ZMAT4: variants seen among roughly 807,000 people sequenced by gnomAD.
ZMAT4 encodes zinc finger matrin-type 4, also known as zinc finger matrin-type protein 4.
ZMAT4 carries 17 observed loss-of-function variants against 28.7 expected under a neutral mutation model. That is an observed-to-expected ratio of 0.59 (90% CI 0.41 to 0.89). The LOEUF is 0.89. Ranked by LOEUF, ZMAT4 falls within the 40% of genes least tolerant of loss-of-function variation. The probability of loss-of-function intolerance (pLI) is 0.00; values close to 1 mark genes in which losing one functional copy is unlikely to be tolerated. For missense variants in ZMAT4, 240 were observed against 283.8 expected (o/e 0.85, Z 1.11); for synonymous variants, 117 against 109.2 (o/e 1.07, Z -0.44).
chr8:40,546,100 T>C (rs1005418284), intron 6 of ZMAT4, among the ~76,000 whole-genome samples: 8 of 151,100 alleles, frequency 5.3e-5, no homozygotes, highest in South Asian at 2.1e-4. Context: ...AAAGTAAGAG[T>C]AGCTGGAGGA....
chr8:40,783,363 A>G (rs1311083422), intron 2 of ZMAT4, among the ~76,000 whole-genome samples: 1 of 152,206 alleles, frequency 6.6e-6, no homozygotes, highest in Admixed American at 6.5e-5. Context: ...ATCTACAGAG[A>G]CTGAAAATAG....
intron 5 of ZMAT4, among the ~76,000 whole-genome samples, chr8:40,643,632 G>A (rs911226303): frequency 2.0e-5 from 3 of 152,118 alleles, no homozygotes; most frequent in African/African-American, 7.2e-5. Flanking sequence ...TGCGATGAGT[G>A]CTACAGTTGT....
chr8:40,546,450 C>A (rs897269216), intron 6 of ZMAT4, among the ~76,000 whole-genome samples: 3 of 152,160 alleles, frequency 2.0e-5, no homozygotes, highest in African/African-American at 7.2e-5. Context: ...TGTTCACTTT[C>A]AATTAATAGA....
chr8:40,557,672 A>G (rs1803591830), intron 6 of ZMAT4, among the ~76,000 whole-genome samples: 1 of 152,142 alleles, frequency 6.6e-6, no homozygotes, highest in Admixed American at 6.6e-5. Context: ...TTCCCACCTT[A>G]TAATAACATC....
At chr8:40,630,352 G>A (rs1185981415) in intron 5 of ZMAT4, among the ~76,000 whole-genome samples, 10 of 152,164 alleles carry the variant, frequency 6.6e-5, no homozygotes, top group South Asian at 2.1e-4. Context: ...GAATTGGTGC[G>A]TTTAGTGGAT....
intron 3 of ZMAT4, among the ~76,000 whole-genome samples, chr8:40,763,524 C>G (rs550144853): frequency 8.5e-4 from 130 of 152,066 alleles, no homozygotes; most frequent in Non-Finnish European, 1.6e-3. Flanking sequence ...TTTACCCTGC[C>G]CAGAACAACA....
chr8:40,650,923 A>T (rs1165796367), intron 5 of ZMAT4, among the ~76,000 whole-genome samples: 1 of 151,962 alleles, frequency 6.6e-6, no homozygotes, highest in African/African-American at 2.4e-5. Context: ...GATGGGACGT[A>T]TCTCAAAATA....
intron 1 of ZMAT4, among the ~76,000 whole-genome samples, chr8:40,853,636 T>C (rs1452443214): frequency 9.2e-5 from 14 of 152,234 alleles, no homozygotes. Context: ...TCTTTGTTTG[T>C]TTTTGGTTTC....
At chr8:40,535,184 G>A (rs1390961651) in intron 6 of ZMAT4, among the ~76,000 whole-genome samples, 4 of 152,094 alleles carry the variant, frequency 2.6e-5, no homozygotes, top group Non-Finnish European at 4.4e-5. Flanking sequence ...TGGGCCACAC[G>A]GGGCATGTGG....
chr8:40,695,836 A>C (rs1246502912), intron 4 of ZMAT4, among the ~76,000 whole-genome samples: 1 of 115,798 alleles, frequency 8.6e-6, no homozygotes, highest in Non-Finnish European at 1.6e-5. Context: ...TTGCTAATTG[A>C]TGTGATAAGC....
chr8:40,701,304 T>C (rs544398750), intron 3 of ZMAT4, among the ~76,000 whole-genome samples: 2 of 152,208 alleles, frequency 1.3e-5, no homozygotes, highest in South Asian at 4.2e-4. Flanking sequence ...TATGCCATAG[T>C]TGTAAAAGAG....
intron 3 of ZMAT4, among the ~76,000 whole-genome samples, chr8:40,718,522 C>T (rs532346939): frequency 6.6e-6 from 1 of 151,660 alleles, no homozygotes; most frequent in Non-Finnish European, 1.5e-5. Flanking sequence ...TTTTAAATTT[C>T]CAGTTTATTC....
chr8:40,650,192 GA>G (rs1432628180), intron 5 of ZMAT4, among the ~76,000 whole-genome samples: 1 of 151,698 alleles, frequency 6.6e-6, no homozygotes, highest in South Asian at 2.1e-4. Flanking sequence ...GACTAATAAA[GA>G]AAAAAAGAGG....
chr8:40,678,860 G>A (rs894648924), intron 4 of ZMAT4, among the ~76,000 whole-genome samples: 1 of 152,004 alleles, frequency 6.6e-6, no homozygotes, highest in Non-Finnish European at 1.5e-5. Context: ...CTTTACATTT[G>A]GTATAAACAT....
chr8:40,779,994 A>G (rs559774634), intron 2 of ZMAT4, among the ~76,000 whole-genome samples: 2 of 152,118 alleles, frequency 1.3e-5, no homozygotes, highest in East Asian at 1.9e-4. Context: ...TTCAACTGCC[A>G]GTTTTCATTT....
At chr8:40,839,118 T>C (rs911220903) in intron 1 of ZMAT4, among the ~76,000 whole-genome samples, 3 of 152,060 alleles carry the variant, frequency 2.0e-5, no homozygotes, top group Admixed American at 2.0e-4. Flanking sequence ...TACCTTCCTT[T>C]GAAGAATCAC....
intron 5 of ZMAT4, among the ~76,000 whole-genome samples, chr8:40,631,142 G>T (rs1271901384): frequency 6.6e-6 from 1 of 151,968 alleles, no homozygotes; most frequent in Non-Finnish European, 1.5e-5. Flanking sequence ...GAGGTGGGAA[G>T]GCTTATAGGC....
chr8:40,775,631 G>C (rs1470158194), intron 2 of ZMAT4, among the ~76,000 whole-genome samples: 1 of 152,170 alleles, frequency 6.6e-6, no homozygotes, highest in African/African-American at 2.4e-5. Context: ...CCAAGAGTCA[G>C]GGATCCACTA....
At chr8:40,570,750 A>AC (rs1804071759) in intron 6 of ZMAT4, among the ~76,000 whole-genome samples, 6 of 151,834 alleles carry the variant, frequency 4.0e-5, no homozygotes, top group East Asian at 1.9e-4. Context: ...AAACAAACAA[A>AC]AAAACCTTGT....
Sources: allele counts gnomAD v4.1 joint callset (sites outside exome capture counted in the v4.1 genomes callset), GRCh38; gene constraint gnomAD v4.1.1; transcripts MANE v1.5; gene names NCBI Gene and HGNC (gene_info 2026-07-23, HGNC 2026-07-21).